ATP2C2: variants seen among roughly 807,000 people sequenced by gnomAD.
ATP2C2 encodes the protein ATPase secretory pathway Ca2+ transporting 2.
A neutral mutation model predicts 110.8 loss-of-function variants in ATP2C2; 171 were observed. The observed-to-expected ratio is 1.54, with a 90% CI of 1.36 to 1.75. The LOEUF is 1.75. Among genes scored for constraint, ATP2C2 ranks in the 40% most tolerant of loss-of-function variants. The pLI is 0.00. For missense variants in ATP2C2, 1,963 were observed against 1,235.0 expected (o/e 1.59, Z -8.84); for synonymous variants, 804 against 508.4 (o/e 1.58, Z -7.82).
intron 1 of ATP2C2, among the ~76,000 whole-genome samples, chr16:84,395,375 G>C (rs1253048680): frequency 6.6e-6 from 1 of 152,022 alleles, no homozygotes; most frequent in Non-Finnish European, 1.5e-5. Context: ...GGACAGCCCT[G>C]GGCCTTCAGA....
At chr16:84,412,754 C>G (rs1418560251) in intron 6 of ATP2C2, among the ~76,000 whole-genome samples, 1 of 152,078 alleles carries the variant, frequency 6.6e-6, no homozygotes, top group Non-Finnish European at 1.5e-5. Flanking sequence ...TCCTGTCAGG[C>G]TGATCTGTCT....
chr16:84,422,342 C>T, intron 7 of ATP2C2, 48 bp from the exon 8 acceptor site: 1 of 1,584,710 alleles, frequency 6.3e-7, no homozygotes, highest in South Asian at 1.1e-5. Context: ...AACACCAATT[C>T]TCGGGGTGAC....
At chr16:84,408,144 G>C (rs1408315831) in intron 3 of ATP2C2, among the ~76,000 whole-genome samples, 1 of 152,200 alleles carries the variant, frequency 6.6e-6, no homozygotes, top group Non-Finnish European at 1.5e-5. Context: ...GGAGAGGCGA[G>C]ACCAAGAACT....
At chr16:84,421,804 A>G (rs1696845338) in intron 7 of ATP2C2, among the ~76,000 whole-genome samples, 1 of 152,232 alleles carries the variant, frequency 6.6e-6, no homozygotes, top group South Asian at 2.1e-4. Context: ...TGGGGAAGAT[A>G]GTAGAGTCTT....
intron 6 of ATP2C2, among the ~76,000 whole-genome samples, chr16:84,413,058 A>G (rs1906520419): frequency 6.6e-6 from 1 of 150,752 alleles, no homozygotes; most frequent in Non-Finnish European, 1.5e-5. Flanking sequence ...AGAGTGCTCC[A>G]TTGTACTCCA....
At chr16:84,420,830 G>T (rs911042271) in intron 7 of ATP2C2, among the ~76,000 whole-genome samples, 1 of 152,092 alleles carries the variant, frequency 6.6e-6, no homozygotes, top group African/African-American at 2.4e-5. Flanking sequence ...GTTTTGAGCA[G>T]AGTCTCTCTC....
intron 1 of ATP2C2, among the ~76,000 whole-genome samples, chr16:84,369,296 C>T (rs1909814091): frequency 6.6e-6 from 1 of 152,110 alleles, no homozygotes; most frequent in Admixed American, 6.5e-5. Flanking sequence ...CAGGGCAGGG[C>T]GGTTCATGAG....
intron 24 of ATP2C2, 88 bp downstream of exon 24, chr16:84,460,889 C>G (rs1462924733): frequency 4.1e-6 from 6 of 1,478,870 alleles, no homozygotes; most frequent in Non-Finnish European, 5.5e-6. Context: ...TGCCACAGCT[C>G]ACATCTGGGA....
chr16:84,393,464 A>G (rs1382461780), intron 1 of ATP2C2, among the ~76,000 whole-genome samples: 1 of 152,132 alleles, frequency 6.6e-6, no homozygotes, highest in Non-Finnish European at 1.5e-5. Context: ...GTCCAGGGCT[A>G]TGTCCCGGTG....
chr16:84,378,742 GC>G (rs2041343207), intron 1 of ATP2C2, among the ~76,000 whole-genome samples: 1 of 152,182 alleles, frequency 6.6e-6, no homozygotes, highest in Non-Finnish European at 1.5e-5. Flanking sequence ...CTGCAAAACG[GC>G]CCCCTCCTTG....
At chr16:84,456,225 C>G (rs1910776921) in intron 21 of ATP2C2, among the ~76,000 whole-genome samples, 1 of 135,324 alleles carries the variant, frequency 7.4e-6, no homozygotes, top group Non-Finnish European at 1.6e-5. Flanking sequence ...CCTTGTACCT[C>G]TGGTAGAATT....
intron 4 of ATP2C2, among the ~76,000 whole-genome samples, chr16:84,409,815 G>C (rs1906110742): frequency 6.6e-6 from 1 of 152,120 alleles, no homozygotes; most frequent in Non-Finnish European, 1.5e-5. Context: ...AGCACCTTTT[G>C]ATGGCTGTCA....
intron 6 of ATP2C2, among the ~76,000 whole-genome samples, chr16:84,413,302 G>A (rs1395977912): frequency 1.3e-5 from 2 of 152,142 alleles, no homozygotes; most frequent in South Asian, 2.1e-4. Context: ...GTAGAAAGCC[G>A]TAGTGAGATA....
At chr16:84,453,038 T>G in intron 18 of ATP2C2, 100 bp from the exon 19 acceptor site, 3 of 1,226,280 alleles carry the variant, frequency 2.4e-6, no homozygotes, top group Non-Finnish European at 3.5e-6. Context: ...GTCTCCAGCA[T>G]GGTTTTATTC....
At chr16:84,441,691 C>T (rs964095015) in intron 14 of ATP2C2, among the ~76,000 whole-genome samples, 7 of 152,184 alleles carry the variant, frequency 4.6e-5, no homozygotes, top group African/African-American at 1.2e-4. Context: ...GAGGCCAAGG[C>T]GGGTGGATCA....
chr16:84,390,264 G>C (rs1202738597), intron 1 of ATP2C2, among the ~76,000 whole-genome samples: 1 of 152,244 alleles, frequency 6.6e-6, no homozygotes, highest in African/African-American at 2.4e-5. Context: ...ACTGAGGGAG[G>C]CTGTTCGCCC....
intron 11 of ATP2C2, among the ~76,000 whole-genome samples, chr16:84,437,499 C>T (rs1210763866): frequency 6.6e-6 from 1 of 152,146 alleles, no homozygotes; most frequent in African/African-American, 2.4e-5. Context: ...GTGTGAGCTA[C>T]TGTGCCTGGC....
At chr16:84,443,405 G>A (rs1224504170) in intron 15 of ATP2C2, among the ~76,000 whole-genome samples, 4 of 152,122 alleles carry the variant, frequency 2.6e-5, no homozygotes, top group Non-Finnish European at 4.4e-5. Flanking sequence ...TCTGCTGTGT[G>A]ACTTGTCTCT....
chr16:84,418,031 C>T (rs1006193675), intron 7 of ATP2C2, among the ~76,000 whole-genome samples: 2 of 152,154 alleles, frequency 1.3e-5, no homozygotes, highest in African/African-American at 2.4e-5. Context: ...TTTCCCTTTC[C>T]TGGAGTTAAA....
Sources: gnomAD v4.1 joint callset for allele counts (sites outside exome capture counted in the v4.1 genomes callset) on GRCh38, gnomAD v4.1.1 for gene constraint, MANE v1.5 for transcripts, NCBI Gene and HGNC (gene_info 2026-07-23, HGNC 2026-07-21) for gene names.